The following BTD variants were observed in gnomAD, a reference collection of about 807,000 sequenced individuals.
BTD encodes biotinidase.
In BTD, 13 loss-of-function variants were observed where a neutral mutation model predicts 17.7. That is an observed-to-expected ratio of 0.74 (90% CI 0.48 to 1.17). BTD has a LOEUF of 1.17. Among genes scored for constraint, BTD ranks in the 50% most tolerant of loss-of-function variants. The probability of loss-of-function intolerance (pLI) is 0.00; values close to 1 mark genes in which losing one functional copy is unlikely to be tolerated. For missense variants in BTD, 674 were observed against 650.4 expected (o/e 1.04, Z -0.39); for synonymous variants, 240 against 245.2 (o/e 0.98, Z 0.20).
chr3:15,655,598 T>A (rs1186583910), downstream of BTD, among the ~76,000 whole-genome samples: 1 of 152,234 alleles, frequency 6.6e-6, no homozygotes, highest in African/African-American at 2.4e-5. Context: ...GGCTTGCTTT[T>A]AAATTGTTGT....
intron 3 of BTD, among the ~76,000 whole-genome samples, chr3:15,687,344 T>TAC (rs1400830677): frequency 6.6e-6 from 1 of 151,962 alleles, no homozygotes; most frequent in Non-Finnish European, 1.5e-5. Context: ...TATATATATA[T>TAC]ATACATACAG....
At chr3:15,614,749 A>G (rs1470643904) in intron 1 of BTD, among the ~76,000 whole-genome samples, 5 of 151,864 alleles carry the variant, frequency 3.3e-5, no homozygotes, top group African/African-American at 1.2e-4. Flanking sequence ...GGCATGCACC[A>G]CCACACACAG....
chr3:15,655,657 C>T (rs2065863883), downstream of BTD, among the ~76,000 whole-genome samples: 1 of 152,244 alleles, frequency 6.6e-6, no homozygotes, highest in African/African-American at 2.4e-5. Flanking sequence ...GGTCCTCTCT[C>T]TGTAAAAGAG....
intron 3 of BTD, chr3:15,696,075 G>T: frequency 1.7e-6 from 2 of 1,147,652 alleles, no homozygotes; most frequent in Non-Finnish European, 1.2e-6. Flanking sequence ...TCTCATTTTT[G>T]TTACATTATT....
rs2069690718 is a variant in BTD at position 15,697,038 on chromosome 3, AT to A, written c.400-13019del. Among the ~76,000 whole-genome samples, 4 of 152,342 alleles carry A rather than the reference AT, an allele frequency of 2.6e-5. No homozygotes were observed. The South Asian group carries it at 8.3e-4, about 32-fold the overall frequency. ...AATTGCAAAAATATGAAACAAGTCT[AT>A]TTAGGCTATCTATCAACGAACGAGT... On this transcript the variant is annotated intron_variant, in intron 3 of 3. Coordinates refer to the BTD transcript ENST00000672141.
rs2125453888 is a variant in BTD, at chr3:15,635,553, T to C, written c.114T>C (p.Tyr38=). 6.2e-7 allele frequency: 1 copy of C among 1,614,198 alleles called. No individual in the cohort carries two copies. The highest frequency in any genetic ancestry group is 1.7e-5 in the Admixed American group (1 of 60,026). ...CTGACCATCACGAGGCTGAATATTA[T>C]GTGGCTGCCGTGTATGAGCATCCAT... The part of the protein sequence containing the change: ...SVADHHEAEY[Y]VAAVYEHPSI... Residue 38 remains tyrosine (Y), a synonymous_variant, in exon 2 of 4, where the codon TAT becomes TAC. Coordinates refer to ENST00000643237, the MANE Select transcript of BTD (RefSeq NM_001370658.1). The surrounding 1 kb of genome is among the most constrained non-coding windows in gnomAD (Gnocchi z 4.1).
chr3:15,677,580 A>G (rs368456997), intron 3 of BTD: 1 of 1,551,220 alleles, frequency 6.4e-7, no homozygotes, highest in Admixed American at 1.7e-5. Flanking sequence ...GAAAAAGTGC[A>G]TCAATTCTTA....
downstream of BTD, among the ~76,000 whole-genome samples, chr3:15,654,018 G>A (rs780053894): frequency 1.3e-5 from 2 of 152,156 alleles, no homozygotes; most frequent in Admixed American, 6.5e-5. Flanking sequence ...CACTGCGCCC[G>A]GCCAAGACTG....
downstream of BTD, among the ~76,000 whole-genome samples, chr3:15,713,201 C>G (rs1337389515): frequency 6.6e-6 from 1 of 152,070 alleles, no homozygotes; most frequent in African/African-American, 2.4e-5. Flanking sequence ...AAAAAAGCAT[C>G]TGGCACATAC....
chr3:15,691,983 CAAAT>C (rs1409701628), intron 3 of BTD, among the ~76,000 whole-genome samples: 2 of 151,552 alleles, frequency 1.3e-5, no homozygotes, highest in East Asian at 1.9e-4. Context: ...AATAAACAAA[CAAAT>C]AAATAAGCTG....
rs187718900 is a variant in BTD at position 15,620,382 on chromosome 3, G to T, written c.-16-15042G>T. Among the ~76,000 whole-genome samples the T allele has an allele frequency of 2.8e-4, 42 of 152,304 alleles. 1 individual carries two copies. The highest frequency in any genetic ancestry group is 2.3e-3 in the Admixed American group (35 of 15,306). ...ATATTAATATTCCTTGCTAGGAAAAGAATTTAGCGATATGTTTCCTACTTG... is the reference window on the plus strand; with the variant it reads ...ATATTAATATTCCTTGCTAGGAAAATAATTTAGCGATATGTTTCCTACTTG... On this transcript the variant is annotated intron_variant, in intron 1 of 3. Transcript: ENST00000643237.
intron 1 of BTD, among the ~76,000 whole-genome samples, chr3:15,627,606 G>A (rs1575001565): frequency 6.6e-6 from 1 of 152,292 alleles, no homozygotes; most frequent in Non-Finnish European, 1.5e-5. Flanking sequence ...CCTTTGATGT[G>A]TTATTTCCAG....
At position 15,693,319 on chromosome 3, in the gene BTD, T is replaced by TG. The variant is rs200901276; in HGVS notation, c.400-16734dup. ...AAAATCTCTGACAAAAAAATAGTAA[T>TG]GGGGGGGCAGAGAGAGAGAGAGAGA... On this transcript the variant is annotated intron_variant, in intron 3 of 3. Coordinates refer to the BTD transcript ENST00000672141. Among the ~76,000 whole-genome samples the TG allele has an allele frequency of 5.2e-3, 782 of 150,280 alleles. 12 individuals are homozygous for TG. The highest frequency in any genetic ancestry group is 0.017 in the African/African-American group (677 of 40,726).
intron 1 of BTD, among the ~76,000 whole-genome samples, chr3:15,618,144 G>T (rs2064843782): frequency 6.6e-6 from 1 of 152,104 alleles, no homozygotes; most frequent in Admixed American, 6.6e-5. Context: ...TTTTAATTTT[G>T]TAGAGAATGG....
chr3:15,624,032 C>T (rs2065014147), intron 1 of BTD, among the ~76,000 whole-genome samples: 3 of 152,166 alleles, frequency 2.0e-5, no homozygotes, highest in African/African-American at 4.8e-5. Flanking sequence ...TTAAATATTT[C>T]ACATCACTGT....
intron 1 of BTD, chr3:15,631,333 GTTTTA>G: frequency 3.6e-6 from 3 of 837,568 alleles, no homozygotes; most frequent in Non-Finnish European, 5.4e-6. Context: ...TTAAAAAGAT[GTTTTA>G]TTTATCTTTT....
At chr3:15,670,452 A>G in intron 3 of BTD, 1 of 1,613,998 alleles carries the variant, frequency 6.2e-7, no homozygotes, top group Non-Finnish European at 8.5e-7. Flanking sequence ...AATGTTAAGG[A>G]TGATAAAGGA....
In BTD at chr3:15,645,249, G is replaced by A; in HGVS notation, c.1333G>A (p.Gly445Ser). 6.2e-7 allele frequency: 1 copy of A among 1,614,200 alleles called. No homozygotes were observed. Among genetic ancestry groups the A allele is most frequent in the Non-Finnish European group, 8.5e-7 (1 of 1,180,030 alleles). ...IQVCALVRCG[G>S]LGFDTCGQEI... ...AGTGTGTGCCCTGGTCAGGTGTGGG[G>A]GTCTTGGCTTCGACACCTGTGGACA... The change falls in exon 4 of 4, where the codon GGT becomes AGT. Residue 445 changes from glycine to serine, a missense_variant. Transcript: ENST00000643237.
At chr3:15,677,283 T>G (rs2067039693) in intron 3 of BTD, among the ~76,000 whole-genome samples, 1 of 152,196 alleles carries the variant, frequency 6.6e-6, no homozygotes, top group African/African-American at 2.4e-5. Flanking sequence ...CTTAGACTTG[T>G]GTTCCAAAAC....
Sources: allele counts gnomAD v4.1 joint callset (sites outside exome capture counted in the v4.1 genomes callset), GRCh38; gene constraint gnomAD v4.1.1; non-coding constraint Gnocchi (gnomAD v3.1); transcripts MANE v1.5; gene names NCBI Gene and HGNC (gene_info 2026-07-23, HGNC 2026-07-21).